The following GRID1 variants were observed in gnomAD, a reference collection of about 807,000 sequenced individuals.
The protein encoded by GRID1 is glutamate receptor ionotropic, delta-1.
GRID1 carries 28 observed loss-of-function variants against 98.0 expected under a neutral mutation model. The ratio of observed to expected loss-of-function variants is 0.29; its 90% CI spans 0.21 to 0.39. The LOEUF (loss-of-function observed/expected upper bound fraction) is 0.39, where lower values mean the gene tolerates loss of function less well. GRID1 is among the 10% of genes least tolerant of loss of function. The pLI, the probability that GRID1 is intolerant of heterozygous loss-of-function variation, is 1.00. For missense variants in GRID1, 1,111 were observed against 1,340.5 expected, an observed-to-expected ratio of 0.83 and a Z score of 2.67; for synonymous variants, 553 against 538.5, an observed-to-expected ratio of 1.03 and a Z score of -0.37.
chr10:86,053,914 A>G (rs1478447036), intron 4 of GRID1, among the ~76,000 whole-genome samples: 1 of 152,208 alleles, frequency 6.6e-6, no homozygotes, highest in Non-Finnish European at 1.5e-5. Flanking sequence ...TTACACACAT[A>G]CACAAGCTCT....
At chr10:86,169,267 A>T (rs1355338372) in intron 3 of GRID1, among the ~76,000 whole-genome samples, 2 of 152,230 alleles carry the variant, frequency 1.3e-5, no homozygotes, top group Non-Finnish European at 2.9e-5. Context: ...AGAATGAGGC[A>T]AGTACTGTTG....
chr10:86,035,619 C>A (rs7342141), intron 4 of GRID1, among the ~76,000 whole-genome samples: 1 of 152,128 alleles, frequency 6.6e-6, no homozygotes, highest in Non-Finnish European at 1.5e-5. Flanking sequence ...CAATGCAGGA[C>A]TTTTTGTACA....
At chr10:86,137,350 T>C (rs921188780) in intron 4 of GRID1, among the ~76,000 whole-genome samples, 7 of 152,096 alleles carry the variant, frequency 4.6e-5, no homozygotes, top group Non-Finnish European at 1.0e-4. Context: ...ACACAAATAA[T>C]AAGTCAAGGA....
intron 13 of GRID1, among the ~76,000 whole-genome samples, chr10:85,642,133 G>A (rs934547274): frequency 7.9e-5 from 12 of 152,184 alleles, no homozygotes; most frequent in Non-Finnish European, 7.3e-5. Flanking sequence ...TTTAGGCTTT[G>A]TGGGCCACAT....
chr10:86,268,428 T>G (rs535247546), intron 2 of GRID1, among the ~76,000 whole-genome samples: 5 of 152,336 alleles, frequency 3.3e-5, no homozygotes, highest in African/African-American at 1.2e-4. Context: ...GGACCGTCCG[T>G]GATGGACATG....
At chr10:85,689,746 GGAA>G (rs1332331679) in intron 12 of GRID1, among the ~76,000 whole-genome samples, 1 of 152,074 alleles carries the variant, frequency 6.6e-6, no homozygotes, top group Non-Finnish European at 1.5e-5. Context: ...AAAAGGAGGA[GGAA>G]GGACACATTC....
At chr10:86,009,233 T>C (rs1414467122) in intron 4 of GRID1, among the ~76,000 whole-genome samples, 1 of 152,236 alleles carries the variant, frequency 6.6e-6, no homozygotes, top group Admixed American at 6.5e-5. Context: ...CGTAAGTGTT[T>C]GTTGCAGAAG....
At chr10:86,040,084 G>T (rs1843324737) in intron 4 of GRID1, among the ~76,000 whole-genome samples, 1 of 152,086 alleles carries the variant, frequency 6.6e-6, no homozygotes, top group African/African-American at 2.4e-5. Context: ...ACTGTTGTGG[G>T]GCCTGAAAAA....
chr10:86,072,829 C>T (rs1190253585), intron 4 of GRID1, among the ~76,000 whole-genome samples: 4 of 152,248 alleles, frequency 2.6e-5, no homozygotes, highest in African/African-American at 9.6e-5. Context: ...ACACACACTG[C>T]TGCAGTCTAG....
intron 4 of GRID1, among the ~76,000 whole-genome samples, chr10:85,927,170 G>T (rs1188096072): frequency 1.3e-5 from 2 of 152,202 alleles, no homozygotes. Flanking sequence ...TCTAGACCAT[G>T]CATGCACTCT....
chr10:85,620,829 T>C (rs1842850697), intron 13 of GRID1, among the ~76,000 whole-genome samples: 1 of 152,254 alleles, frequency 6.6e-6, no homozygotes, highest in Non-Finnish European at 1.5e-5. Context: ...CCCATAAATA[T>C]GTGTGCACAT....
At chr10:86,117,344 A>G (rs1234267173) in intron 4 of GRID1, among the ~76,000 whole-genome samples, 1 of 151,574 alleles carries the variant, frequency 6.6e-6, no homozygotes, top group Non-Finnish European at 1.5e-5. Context: ...CACCACCACT[A>G]CCACTAACAC....
chr10:86,020,937 C>A (rs183230495), intron 4 of GRID1, among the ~76,000 whole-genome samples: 61 of 152,244 alleles, frequency 4.0e-4, no homozygotes, highest in African/African-American at 1.4e-3. Context: ...CATAAATGAA[C>A]ACACAGAGAT....
At chr10:86,059,687 A>G (rs1589356174) in intron 4 of GRID1, among the ~76,000 whole-genome samples, 2 of 152,360 alleles carry the variant, frequency 1.3e-5, no homozygotes, top group East Asian at 3.9e-4. Flanking sequence ...TTGGATGCTC[A>G]TAAGAGTTTG....
chr10:85,822,939 CA>C (rs1842786356), intron 8 of GRID1, among the ~76,000 whole-genome samples: 1 of 152,060 alleles, frequency 6.6e-6, no homozygotes, highest in Non-Finnish European at 1.5e-5. Flanking sequence ...ATTGCAAGGA[CA>C]AAAAACCAAA....
intron 2 of GRID1, among the ~76,000 whole-genome samples, chr10:86,357,442 A>G (rs1006681303): frequency 5.9e-5 from 9 of 152,144 alleles, no homozygotes; most frequent in African/African-American, 1.9e-4. Flanking sequence ...GTTAAGTCCA[A>G]CCTCCCAATC....
intron 3 of GRID1, among the ~76,000 whole-genome samples, chr10:86,160,234 C>T (rs142604798): frequency 7.2e-5 from 11 of 152,310 alleles, no homozygotes; most frequent in Non-Finnish European, 1.5e-4. Flanking sequence ...CCTAAGGCAT[C>T]CTGCAAATGC....
chr10:86,327,398 C>A (rs1367335800), intron 2 of GRID1, among the ~76,000 whole-genome samples: 2 of 152,164 alleles, frequency 1.3e-5, no homozygotes, highest in Non-Finnish European at 1.5e-5. Context: ...CATTGGACAA[C>A]AGCATCTTAA....
chr10:85,875,418 C>A (rs955228327), intron 5 of GRID1, among the ~76,000 whole-genome samples: 13 of 151,880 alleles, frequency 8.6e-5, no homozygotes, highest in African/African-American at 3.1e-4. Context: ...GCCTGTAAAC[C>A]TAATATACTA....
Sources: gnomAD v4.1 joint callset for allele counts (sites outside exome capture counted in the v4.1 genomes callset) on GRCh38, gnomAD v4.1.1 for gene constraint, MANE v1.5 for transcripts, NCBI Gene and HGNC (gene_info 2026-07-23, HGNC 2026-07-21) for gene names.